ACTG1: variants seen among roughly 807,000 people sequenced by gnomAD.
The protein encoded by ACTG1 is actin, cytoplasmic 2.
Under a neutral mutation model 34.3 loss-of-function variants are expected in ACTG1, and 14 were observed. The observed-to-expected ratio is 0.41, with a 90% CI of 0.27 to 0.64. ACTG1 has a LOEUF of 0.64. Ranked by LOEUF, ACTG1 falls within the 30% of genes least tolerant of loss-of-function variation. The probability of loss-of-function intolerance (pLI) is 0.33; values close to 1 mark genes in which losing one functional copy is unlikely to be tolerated. For synonymous variants in ACTG1, 422 were observed against 213.9 expected (o/e 1.97, Z -8.49); for missense variants, 233 against 529.5 (o/e 0.44, Z 5.50).
chr17:81,512,178 C>A (rs1482927598), intron 2 of ACTG1, 36 bp from the exon 3 acceptor site: 4 of 1,613,360 alleles, frequency 2.5e-6, no homozygotes, highest in Non-Finnish European at 2.5e-6. Flanking sequence ...GCCGGCGACA[C>A]CGAACCCACC....
rs1555665999 is a variant in ACTG1, at chr17:81,510,066, A to G, written c.*624T>C. On this transcript the variant is annotated 3_prime_UTR_variant, in exon 6 of 6. Transcript: ENST00000573283. ...CAGTAGAAAACCAAAATTTGTTGTC[A>G]TCTCTTCAAAGAATCGAGAATTGCG... is the stretch of plus-strand genomic sequence containing the variant. 6.6e-6 allele frequency: 3 copies of G among 453,872 alleles called. No homozygotes were observed. Among genetic ancestry groups the G allele is most frequent in the Non-Finnish European group, 1.3e-5 (3 of 227,650 alleles). 28.1% of individuals were successfully genotyped at this position (453,872 alleles called of 1,614,324 possible). A position where few individuals can be genotyped will look rare whatever the true frequency, so the allele number is the denominator to read the frequency against.
chr17:81,512,185 C>T, intron 2 of ACTG1, 43 bp from the exon 3 acceptor site: 1 of 1,613,414 alleles, frequency 6.2e-7, no homozygotes, highest in East Asian at 2.2e-5. Flanking sequence ...ACACCGAACC[C>T]ACCCCGCAAC....
In ACTG1 at chr17:81,511,171, T is replaced by C. The variant is rs2031742951; in HGVS notation, c.802+17A>G. The C allele has an allele frequency of 4.3e-6, 7 of 1,613,542 alleles. No homozygotes were observed. Among genetic ancestry groups the C allele is most frequent in the Admixed American group, 1.7e-5 (1 of 59,996 alleles). On this transcript the variant is annotated intron_variant, in intron 4 of 5. Transcript: ENST00000573283. ...CCGAGGATGTAAGAGTAGAAACCTTTAGCTCACAACACCTACCCAGGAAGG... is the reference window on the plus strand; with the variant it reads ...CCGAGGATGTAAGAGTAGAAACCTTCAGCTCACAACACCTACCCAGGAAGG...
chr17:81,510,189 G>C lies in ACTG1; in HGVS notation c.*501C>G. Reference sequence around the variant, plus strand: ...AGCAAGTAACAGCCCACGGTGTTCTGGCCAAAGACATCAGCTAAGAAAGGA... The same window carrying C: ...AGCAAGTAACAGCCCACGGTGTTCTCGCCAAAGACATCAGCTAAGAAAGGA... On this transcript the variant is annotated 3_prime_UTR_variant, in exon 6 of 6. Transcript: ENST00000573283. The C allele has an allele frequency of 3.9e-6, 2 of 516,798 alleles. No homozygotes were observed. Among genetic ancestry groups the C allele is most frequent in the South Asian group, 1.5e-5 (1 of 65,524 alleles). The allele number at this position is 516,798 out of a possible 1,614,324, so 32.0% of individuals were successfully genotyped here.
chr17:81,512,407 C>G (rs781987760), intron 1 of ACTG1, 47 bp from the exon 2 acceptor site: 3 of 1,613,384 alleles, frequency 1.9e-6, no homozygotes, highest in Non-Finnish European at 2.5e-6. Flanking sequence ...GTAACACGGT[C>G]CCCTCCCCAC....
chr17:81,510,491 T>TTA lies in ACTG1; in HGVS notation c.*197_*198dup. ...ATTAAACAAATACCAAGGGGAACAG[T>TTA]TAACTTCAATACAAGGTCAAAATCA... On this transcript the variant is annotated 3_prime_UTR_variant, in exon 6 of 6. Transcript: ENST00000573283. 1 of 754,768 alleles carries TTA rather than the reference T, an allele frequency of 1.3e-6. No individual in the cohort carries two copies. Among genetic ancestry groups the TTA allele is most frequent in the Non-Finnish European group, 2.3e-6 (1 of 432,442 alleles). The allele number at this position is 754,768 out of a possible 1,614,324, so 46.8% of individuals were successfully genotyped here. A position where few individuals can be genotyped will look rare whatever the true frequency, so the allele number is the denominator to read the frequency against.
In ACTG1 at chr17:81,512,000, G is replaced by A. The variant is rs28999111; in HGVS notation, c.266C>T (p.Thr89Ile). 2 of 1,614,120 alleles carry A rather than the reference G, an allele frequency of 1.2e-6. No individual in the cohort carries two copies. Among genetic ancestry groups the A allele is most frequent in the East Asian group, 2.2e-5 (1 of 44,886 alleles). Residue 89 changes from threonine to isoleucine, a missense_variant, in exon 3 of 6, where the codon ACC (threonine) becomes ATC (isoleucine). Transcript: ENST00000573283. ...WDDMEKIWHHTFYNELRVAPE... is the reference protein window; with the variant it reads ...WDDMEKIWHHIFYNELRVAPE... ...GGCCACGCGCAGCTCGTTGTAGAAG[G>A]TGTGGTGCCAGATCTTCTCCATGTC...
At chr17:81,511,700 G>C (rs1296035828) in intron 3 of ACTG1, 74 bp from the exon 4 acceptor site, 1 of 1,534,088 alleles carries the variant, frequency 6.5e-7, no homozygotes, top group Non-Finnish European at 8.9e-7. Context: ...GCCACAACAT[G>C]CTGCATGCCA....
In ACTG1 at chr17:81,510,501, T is replaced by C. The variant is rs1555666200; in HGVS notation, c.*189A>G. 2 of 789,194 alleles carry C rather than the reference T, an allele frequency of 2.5e-6. No individual in the cohort carries two copies. The highest frequency in any genetic ancestry group is 2.0e-5 in the Admixed American group (1 of 49,966). The allele number at this position is 789,194 out of a possible 1,614,324, so 48.9% of individuals were successfully genotyped here. A position where few individuals can be genotyped will look rare whatever the true frequency, so the allele number is the denominator to read the frequency against. ...TACCAAGGGGAACAGTTAACTTCAA[T>C]ACAAGGTCAAAATCAGCAACAAGTT... On this transcript the variant is annotated 3_prime_UTR_variant, in exon 6 of 6. Coordinates refer to ENST00000573283, the MANE Select transcript of ACTG1 (RefSeq NM_001614.5).
In ACTG1 at chr17:81,510,509, CA is replaced by C. The variant is rs1289077469; in HGVS notation, c.*180del. Reference sequence around the variant, plus strand: ...GGAACAGTTAACTTCAATACAAGGTCAAAATCAGCAACAAGTTCTACAATCC... The same window carrying C: ...GGAACAGTTAACTTCAATACAAGGTCAAATCAGCAACAAGTTCTACAATCC... On this transcript the variant is annotated 3_prime_UTR_variant, in exon 6 of 6. Transcript: ENST00000573283. 3 of 830,876 alleles carry C rather than the reference CA, an allele frequency of 3.6e-6. No individual in the cohort carries two copies. The highest frequency in any genetic ancestry group is 2.6e-5 in the East Asian group (1 of 37,854). 51.5% of individuals were successfully genotyped at this position (830,876 alleles called of 1,614,324 possible).
Position 81,510,672 on chromosome 17 carries a change from C to CGCATCTGCTGAGT in ACTG1, c.*5_*17dup. 6.2e-7 allele frequency: 1 copy of CGCATCTGCTGAGT among 1,613,384 alleles called. No homozygotes were observed. ...CAATTAACCCATGCAGCAAATGCTA[C>CGCATCTGCTGAGT]GCATCTGCTGAGTCCGTTTAGAAGC... On this transcript the variant is annotated 3_prime_UTR_variant, in exon 6 of 6. Transcript: ENST00000573283.
chr17:81,512,210 C>T, intron 2 of ACTG1, 22 bp downstream of exon 2: 1 of 1,613,404 alleles, frequency 6.2e-7, no homozygotes, highest in Admixed American at 1.7e-5. Context: ...AACCCAGGAG[C>T]CCCGCGGCGC....
chr17:81,511,794 G>C (rs563266009), intron 3 of ACTG1, 109 bp downstream of exon 3: 3 of 1,580,918 alleles, frequency 1.9e-6, no homozygotes, highest in Non-Finnish European at 2.6e-6. Flanking sequence ...TGCCGGGAGA[G>C]GAACAGAGCC....
In ACTG1 at chr17:81,512,008, C is replaced by G. The variant is rs782817444; in HGVS notation, c.258G>C (p.Trp86Cys). 1.2e-6 allele frequency: 2 copies of G among 1,613,960 alleles called. No individual in the cohort carries two copies. The highest frequency in any genetic ancestry group is 1.3e-5 in the African/African-American group (1 of 74,932). ...VTNWDDMEKIWHHTFYNELRV... is the reference protein window; with the variant it reads ...VTNWDDMEKICHHTFYNELRV... ...GCAGCTCGTTGTAGAAGGTGTGGTG[C>G]CAGATCTTCTCCATGTCGTCCCAGT... Residue 86 changes from tryptophan to cysteine, a missense_variant, in exon 3 of 6, where the codon TGG becomes TGC. Physicochemically the swap from Trp to Cys is radical, Grantham distance 215. Coordinates refer to ENST00000573283, the MANE Select transcript of ACTG1 (RefSeq NM_001614.5).
rs782541695 is a variant in ACTG1 at position 81,511,283 on chromosome 17, AGAG to A, written c.704_706del (p.Ser235del). 6 of 1,613,828 alleles carry A rather than the reference AGAG, an allele frequency of 3.7e-6. No homozygotes were observed. The highest frequency in any genetic ancestry group is 4.2e-6 in the Non-Finnish European group (5 of 1,180,038). On this transcript the variant is annotated inframe_deletion, in exon 4 of 6. Transcript: ENST00000573283. ...ATCGGGCAGCTCGTAGCTCTTCTCC[AGAG>A]AAGAGGAGGATGCGGCGGTGGCCAT...
rs1555666738 is a variant in ACTG1, at chr17:81,511,435, C to T, written c.555G>A (p.Leu185=). The change falls in exon 4 of 6, where the codon CTG becomes CTA. Residue 185 remains leucine (L), a synonymous_variant. Transcript: ENST00000573283. ...ILRLDLAGRD[L]TDYLMKILTE... ...TGAGGATCTTCATGAGGTAGTCGGT[C>T]AGGTCCCGGCCAGCCAGGTCCAGAC... 6.2e-7 allele frequency: 1 copy of T among 1,613,928 alleles called. No homozygotes were observed. Among genetic ancestry groups the T allele is most frequent in the Admixed American group, 1.7e-5 (1 of 60,034 alleles).
At position 81,511,898 on chromosome 17, in the gene ACTG1, C is replaced by T. The variant is rs116329164; in HGVS notation, c.363+5G>A. 156 of 1,614,136 alleles carry T rather than the reference C, an allele frequency of 9.7e-5. No individual in the cohort carries two copies. The African/African-American group carries it at 2.0e-3, about 20-fold the overall frequency. On this transcript the variant is annotated splice_donor_5th_base_variant and intron_variant, in intron 3 of 5. Transcript: ENST00000573283. Reference sequence around the variant, plus strand: ...GGAGGAGCACGGGCGTCGGCCGAGCCTCACCTGAGTCATCTTCTCTCTGTT... The same window carrying T: ...GGAGGAGCACGGGCGTCGGCCGAGCTTCACCTGAGTCATCTTCTCTCTGTT...
intron 1 of ACTG1, 96 bp from the exon 2 acceptor site, chr17:81,512,456 GCCCCAACCCCAGCGGCCGTGGC>G: frequency 6.3e-7 from 1 of 1,599,826 alleles, no homozygotes; most frequent in Non-Finnish European, 8.5e-7. Flanking sequence ...CCTCGGCCCT[GCCCCAACCCCAGCGGCCGTGGC>G]CTCCAAGATC....
In ACTG1 at chr17:81,512,763, G is replaced by A. The variant is rs782806224; in HGVS notation, c.-36C>T. The A allele has an allele frequency of 6.0e-5, 25 of 415,622 alleles. No individual in the cohort carries two copies. The highest frequency in any genetic ancestry group is 1.4e-4 in the Admixed American group (5 of 36,016). 25.7% of individuals were successfully genotyped at this position (415,622 alleles called of 1,614,324 possible). ...AGAGAAACGCGACGGCGGAGCGGCG[G>A]AAGAACAGAGTGCGAGAGCTGGCAG... On this transcript the variant is annotated 5_prime_UTR_variant, in exon 1 of 6. Coordinates refer to ENST00000573283, the MANE Select transcript of ACTG1 (RefSeq NM_001614.5).
Sources: gnomAD v4.1 joint callset for allele counts on GRCh38, gnomAD v4.1.1 for gene constraint, MANE v1.5 for transcripts, NCBI Gene and HGNC (gene_info 2026-07-23, HGNC 2026-07-21) for gene names.